The following RANBP2 variants were observed in gnomAD, a reference collection of about 807,000 sequenced individuals.
The protein encoded by RANBP2 is E3 SUMO-protein ligase RanBP2.
RANBP2 carries 57 observed loss-of-function variants against 303.6 expected under a neutral mutation model. The ratio of observed to expected loss-of-function variants is 0.19; its 90% CI spans 0.15 to 0.23. The LOEUF (loss-of-function observed/expected upper bound fraction) is 0.23. RANBP2 is among the 10% of genes least tolerant of loss of function. The pLI, the probability that RANBP2 is intolerant of heterozygous loss-of-function variation, is 1.00. For missense variants in RANBP2, 3,138 were observed against 3,780.8 expected (o/e 0.83, Z 4.46); for synonymous variants, 1,167 against 1,301.5 (o/e 0.90, Z 2.23).
At chr2:108,793,292 C>T in the RANBP2 span, among the ~76,000 whole-genome samples, 10 of 152,108 alleles carry the variant, frequency 6.6e-5, no homozygotes, top group Non-Finnish European at 1.2e-4. Flanking sequence ...GAGGTCGCGC[C>T]ACTGCACTCC....
the RANBP2 span, among the ~76,000 whole-genome samples, chr2:109,553,786 G>A: frequency 6.7e-6 from 1 of 150,266 alleles, no homozygotes; most frequent in Admixed American, 6.6e-5. Flanking sequence ...CCTAGGAGGT[G>A]AAGGTTGCAG....
At chr2:108,942,321 C>G in the RANBP2 span, among the ~76,000 whole-genome samples, 2 of 152,164 alleles carry the variant, frequency 1.3e-5, no homozygotes, top group African/African-American at 2.4e-5. Context: ...ACTCAACTTT[C>G]GACACTTCTA....
the RANBP2 span, among the ~76,000 whole-genome samples, chr2:109,419,236 A>G: frequency 6.6e-6 from 1 of 152,180 alleles, no homozygotes; most frequent in Non-Finnish European, 1.5e-5. Context: ...TTCAAGGTCT[A>G]AGAATAAAGC....
the RANBP2 span, among the ~76,000 whole-genome samples, chr2:108,939,712 A>G: frequency 6.6e-6 from 1 of 152,198 alleles, no homozygotes. Flanking sequence ...ATTCTGATAA[A>G]ACCAAGAACT....
the RANBP2 span, among the ~76,000 whole-genome samples, chr2:109,438,979 G>T: frequency 6.6e-6 from 1 of 152,172 alleles, no homozygotes; most frequent in Admixed American, 6.5e-5. Context: ...CACTCATCAC[G>T]GTGAGTCAGC....
chr2:109,113,425 GCTGT>G, the RANBP2 span, among the ~76,000 whole-genome samples: 2 of 152,090 alleles, frequency 1.3e-5, no homozygotes, highest in Non-Finnish European at 2.9e-5. Flanking sequence ...TCATGATTTG[GCTGT>G]CTGTTTGTCT....
chr2:109,664,419 CAT>C, the RANBP2 span, among the ~76,000 whole-genome samples: 45,911 of 151,184 alleles, frequency 0.3, 7,544 homozygotes, highest in African/African-American at 0.42. Context: ...GCCTGGCCAA[CAT>C]AGTGAAACCC....
chr2:109,156,971 T>C, the RANBP2 span, among the ~76,000 whole-genome samples: 1,700 of 152,264 alleles, frequency 0.011, 43 homozygotes, highest in African/African-American at 0.038. Flanking sequence ...TTAATAAAGG[T>C]TTTTATTTCC....
chr2:109,129,627 G>A, the RANBP2 span: 45 of 1,491,846 alleles, frequency 3.0e-5, no homozygotes, highest in South Asian at 5.7e-4. Flanking sequence ...GGCCAGGCGA[G>A]CGACGGCGGC....
chr2:109,726,572 C>T, the RANBP2 span, among the ~76,000 whole-genome samples: 1 of 152,162 alleles, frequency 6.6e-6, no homozygotes, highest in Non-Finnish European at 1.5e-5. Context: ...TGATCATTAA[C>T]CACTTTCGTT....
At chr2:109,410,602 G>A in the RANBP2 span, among the ~76,000 whole-genome samples, 1 of 152,212 alleles carries the variant, frequency 6.6e-6, no homozygotes, top group Non-Finnish European at 1.5e-5. Context: ...CCCGAGGGAG[G>A]GATTGCTGGA....
the RANBP2 span, among the ~76,000 whole-genome samples, chr2:109,540,662 G>GAAAAA: frequency 7.3e-6 from 1 of 137,362 alleles, no homozygotes. Context: ...ACCAAAAAAG[G>GAAAAA]AAAAAAAAAA....
the RANBP2 span, among the ~76,000 whole-genome samples, chr2:109,182,604 C>T: frequency 3.5e-3 from 528 of 152,182 alleles, 21 homozygotes; most frequent in East Asian, 0.092. Context: ...AAGAATGAAT[C>T]GATGTTGCGT....
chr2:108,913,151 A>G, the RANBP2 span, among the ~76,000 whole-genome samples: 26 of 152,132 alleles, frequency 1.7e-4, no homozygotes, highest in East Asian at 1.9e-3. Flanking sequence ...GGGTTTCACC[A>G]TGTTAGCCAG....
At chr2:108,768,643 C>T (rs10199844) in intron 20 of RANBP2, among the ~76,000 whole-genome samples, 6,528 of 152,140 alleles carry the variant, frequency 0.043, 468 homozygotes, top group African/African-American at 0.15. Flanking sequence ...GAACTCGGTA[C>T]GGTATACGGA....
chr2:109,312,919 G>A, the RANBP2 span, among the ~76,000 whole-genome samples: 1 of 152,134 alleles, frequency 6.6e-6, no homozygotes, highest in Admixed American at 6.5e-5. Context: ...GGTCATCCTA[G>A]GTGTACGTTA....
chr2:108,988,692 T>A, the RANBP2 span, among the ~76,000 whole-genome samples: 3 of 152,204 alleles, frequency 2.0e-5, no homozygotes, highest in Admixed American at 6.5e-5. Context: ...TCTTAAAGCC[T>A]GTGAAGCACA....
At chr2:109,599,720 G>C in the RANBP2 span, among the ~76,000 whole-genome samples, 1 of 152,098 alleles carries the variant, frequency 6.6e-6, no homozygotes, top group African/African-American at 2.4e-5. Flanking sequence ...GGAAATTCTT[G>C]ATAGCAGTTC....
chr2:108,798,571 T>C, the RANBP2 span: 1 of 1,608,486 alleles, frequency 6.2e-7, no homozygotes, highest in Non-Finnish European at 8.5e-7. Context: ...TTACAAGATT[T>C]CAAATTATAA....
Sources: allele counts gnomAD v4.1 joint callset (sites outside exome capture counted in the v4.1 genomes callset), GRCh38; gene constraint gnomAD v4.1.1; transcripts MANE v1.5; gene names NCBI Gene and HGNC (gene_info 2026-07-23, HGNC 2026-07-21).